Variants in SGCD observed in about 807,000 individuals in gnomAD.
SGCD encodes the protein delta-sarcoglycan.
A neutral mutation model predicts 36.6 loss-of-function variants in SGCD; 18 were observed. The observed-to-expected ratio is 0.49, with a 90% CI of 0.34 to 0.73. SGCD has a LOEUF of 0.73. Ranked by LOEUF, SGCD falls within the 30% of genes least tolerant of loss-of-function variation. The pLI is 0.01. For synonymous variants in SGCD, 133 were observed against 130.6 expected, an observed-to-expected ratio of 1.02 and a Z score of -0.12; for missense variants, 387 against 346.7, an observed-to-expected ratio of 1.12 and a Z score of -0.92.
chr5:155,931,451 A>T (rs1757095631), intron 1 of SGCD, among the ~76,000 whole-genome samples: 1 of 152,218 alleles, frequency 6.6e-6, no homozygotes, highest in African/African-American at 2.4e-5. Flanking sequence ...ATACACCCAA[A>T]ATATTGCAAA....
chr5:156,126,945 T>G (rs967935704), intron 3 of SGCD, among the ~76,000 whole-genome samples: 2 of 152,220 alleles, frequency 1.3e-5, no homozygotes, highest in Non-Finnish European at 1.5e-5. Flanking sequence ...GGTCCAGAAA[T>G]CTGTTTTTGT....
intron 1 of SGCD, among the ~76,000 whole-genome samples, chr5:156,056,649 A>AAAAAAAAC (rs1760067755): frequency 1.5e-5 from 2 of 129,314 alleles, no homozygotes; most frequent in Admixed American, 7.5e-5. Context: ...TATCCTTAAA[A>AAAAAAAAC]AAAAAAAAAA....
At chr5:155,865,093 T>C in the SGCD span, among the ~76,000 whole-genome samples, 1 of 151,406 alleles carries the variant, frequency 6.6e-6, no homozygotes, top group African/African-American at 2.4e-5. Flanking sequence ...CATAGATAGA[T>C]AGATAGATAG....
At chr5:155,943,825 C>T (rs1277753526) in intron 1 of SGCD, among the ~76,000 whole-genome samples, 1 of 152,202 alleles carries the variant, frequency 6.6e-6, no homozygotes, top group Non-Finnish European at 1.5e-5. Context: ...TATTTACAGA[C>T]TCTCCATTGC....
chr5:156,455,813 A>T (rs1389120303), intron 3 of SGCD, among the ~76,000 whole-genome samples: 1 of 152,200 alleles, frequency 6.6e-6, no homozygotes, highest in African/African-American at 2.4e-5. Flanking sequence ...TTAAGATGAG[A>T]TGGGCCCTAA....
intron 3 of SGCD, among the ~76,000 whole-genome samples, chr5:156,169,953 G>A (rs574705793): frequency 1.8e-4 from 28 of 152,272 alleles, no homozygotes; most frequent in African/African-American, 5.1e-4. Context: ...AGCCATGGAA[G>A]TCTCTGGGTG....
intron 3 of SGCD, among the ~76,000 whole-genome samples, chr5:156,161,416 A>G (rs1763084577): frequency 1.3e-5 from 2 of 151,804 alleles, no homozygotes; most frequent in South Asian, 4.1e-4. Context: ...GCTCACAGTA[A>G]TTAAGTGCTT....
intron 7 of SGCD, among the ~76,000 whole-genome samples, chr5:156,753,217 G>C (rs1219982184): frequency 1.3e-5 from 2 of 152,166 alleles, no homozygotes; most frequent in Non-Finnish European, 2.9e-5. Context: ...TTGAAGATAT[G>C]GCACAGCCTG....
At chr5:155,868,792 A>C (rs939247095), upstream of SGCD, among the ~76,000 whole-genome samples, 1 of 152,184 alleles carries the variant, frequency 6.6e-6, no homozygotes, top group African/African-American at 2.4e-5. Flanking sequence ...ATGAATTTTC[A>C]TGTTGGTTTG....
In SGCD at chr5:155,929,477, G is replaced by T. The variant is rs187922684; in HGVS notation, c.-282+59053G>T. Among the ~76,000 whole-genome samples, 249 of 152,076 alleles carry T rather than the reference G, an allele frequency of 1.6e-3. 1 individual carries two copies. The highest frequency in any genetic ancestry group is 5.9e-3 in the African/African-American group (246 of 41,516). On this transcript the variant is annotated intron_variant, in intron 1 of 9. Transcript: ENST00000517913. ...CCAAATTCCCATTTTTTCCTCCTCT[G>T]CTATTGCTCTATTTTATTTACACAT...
chr5:156,641,462 A>T (rs1221783023), intron 6 of SGCD, among the ~76,000 whole-genome samples: 2 of 152,218 alleles, frequency 1.3e-5, no homozygotes, highest in Non-Finnish European at 2.9e-5. Flanking sequence ...TCAAAGAATT[A>T]TTAGTTTATT....
intron 1 of SGCD, among the ~76,000 whole-genome samples, chr5:156,012,113 T>G (rs1758871521): frequency 6.6e-6 from 1 of 152,236 alleles, no homozygotes; most frequent in Admixed American, 6.5e-5. Flanking sequence ...GCTTATATAT[T>G]CATTTCTAAT....
At chr5:155,785,002 T>C in the SGCD span, among the ~76,000 whole-genome samples, 2 of 152,128 alleles carry the variant, frequency 1.3e-5, no homozygotes, top group African/African-American at 2.4e-5. Context: ...AGTTTGAAGT[T>C]GAATATATCC....
At chr5:155,743,668 A>G in the SGCD span, among the ~76,000 whole-genome samples, 1 of 152,214 alleles carries the variant, frequency 6.6e-6, no homozygotes, top group East Asian at 1.9e-4. Flanking sequence ...CTGGGTTTCA[A>G]TGCACTGCTA....
the SGCD span, among the ~76,000 whole-genome samples, chr5:155,856,331 CAAAG>C: frequency 6.6e-6 from 1 of 151,924 alleles, no homozygotes; most frequent in African/African-American, 2.4e-5. Flanking sequence ...AAAAGAATAA[CAAAG>C]AACAGACAGC....
At chr5:156,073,499 G>C (rs997262045) in intron 1 of SGCD, among the ~76,000 whole-genome samples, 2 of 152,176 alleles carry the variant, frequency 1.3e-5, no homozygotes, top group African/African-American at 4.8e-5. Flanking sequence ...GGAGGTGGAG[G>C]CTGCAGGGAG....
intron 3 of SGCD, among the ~76,000 whole-genome samples, chr5:156,504,398 A>G (rs1344621168): frequency 1.2e-3 from 31 of 25,146 alleles, no homozygotes; most frequent in East Asian, 5.9e-3. Flanking sequence ...GTGTGTATAT[A>G]TATATATATA....
At chr5:155,831,056 T>C in the SGCD span, among the ~76,000 whole-genome samples, 1 of 152,226 alleles carries the variant, frequency 6.6e-6, no homozygotes, top group Admixed American at 6.5e-5. Flanking sequence ...CCTATAAGGT[T>C]GTGCAGATAG....
intron 1 of SGCD, among the ~76,000 whole-genome samples, chr5:156,086,322 T>C (rs1161073244): frequency 6.6e-6 from 1 of 152,242 alleles, no homozygotes; most frequent in African/African-American, 2.4e-5. Context: ...CAAACCCAGG[T>C]TCTACTGTTC....
Sources: allele counts gnomAD v4.1 joint callset (sites outside exome capture counted in the v4.1 genomes callset), GRCh38; gene constraint gnomAD v4.1.1; transcripts MANE v1.5; gene names NCBI Gene and HGNC (gene_info 2026-07-23, HGNC 2026-07-21).